ZNF148: variants seen among roughly 807,000 people sequenced by gnomAD.
ZNF148 encodes the protein Beta-Enolase Repressor Factor-1.
Under a neutral mutation model 67.7 loss-of-function variants are expected in ZNF148, and 7 were observed. The ratio of observed to expected loss-of-function variants is 0.10; its 90% CI spans 0.06 to 0.19. ZNF148 has a LOEUF of 0.19. Ranked by LOEUF, ZNF148 falls within the 10% of genes least tolerant of loss-of-function variation. The probability of loss-of-function intolerance (pLI) is 1.00; values close to 1 mark genes in which losing one functional copy is unlikely to be tolerated. For missense variants in ZNF148, 583 were observed against 947.1 expected (o/e 0.62, Z 5.05); for synonymous variants, 333 against 330.7 (o/e 1.01, Z -0.08).
At chr3:125,248,144 T>C (rs1029588350) in intron 7 of ZNF148, among the ~76,000 whole-genome samples, 1 of 152,184 alleles carries the variant, frequency 6.6e-6, no homozygotes, top group African/African-American at 2.4e-5. Context: ...ATATGACGTA[T>C]GTAAAATTAG....
rs191887536 is a variant in ZNF148, at chr3:125,369,487, C to A, written c.-234+5615G>T. 9.2e-4 allele frequency among the ~76,000 whole-genome samples: 135 copies of A among 147,468 alleles called. 1 individual carries two copies. Among genetic ancestry groups the A allele is most frequent in the African/African-American group, 3.2e-3 (129 of 39,850 alleles). On this transcript the variant is annotated intron_variant, in intron 1 of 8. Transcript: ENST00000360647. ...CACCTTTATAGACCCCTTCCCCCAA[C>A]AGCACACACTAGATACTCAATAAAT...
chr3:125,344,122 G>T, intron 1 of ZNF148: 1 of 243,260 alleles, frequency 4.1e-6, no homozygotes, highest in Non-Finnish European at 8.1e-6. Flanking sequence ...ACCCTGTATG[G>T]TTAAGGACTT....
chr3:125,366,300 C>T (rs920856274), intron 1 of ZNF148, among the ~76,000 whole-genome samples: 5 of 152,172 alleles, frequency 3.3e-5, no homozygotes, highest in Non-Finnish European at 5.9e-5. Context: ...AAGACTAAAA[C>T]CCAGCTTCTG....
At chr3:125,274,726 A>C (rs1937952834) in intron 7 of ZNF148, among the ~76,000 whole-genome samples, 2 of 152,228 alleles carry the variant, frequency 1.3e-5, no homozygotes, top group Admixed American at 6.5e-5. Context: ...AGGAGAAGAC[A>C]GTATAATGAG....
At chr3:125,255,387 T>G (rs546018610) in intron 7 of ZNF148, among the ~76,000 whole-genome samples, 1 of 151,948 alleles carries the variant, frequency 6.6e-6, no homozygotes, top group African/African-American at 2.4e-5. Flanking sequence ...GCTAGGATTA[T>G]AGGCATGCAC....
At chr3:125,336,539 A>C (rs912952445) in intron 1 of ZNF148, among the ~76,000 whole-genome samples, 3 of 152,148 alleles carry the variant, frequency 2.0e-5, no homozygotes, top group African/African-American at 7.2e-5. Context: ...AAAGTTATTA[A>C]GATTCCCTCT....
chr3:125,340,986 T>C (rs1181358899), intron 1 of ZNF148, among the ~76,000 whole-genome samples: 4 of 34,722 alleles, frequency 1.2e-4, no homozygotes, highest in Middle Eastern at 0.036. Flanking sequence ...AGACTCCGGC[T>C]CAAAAAAAAA....
chr3:125,259,427 G>A (rs1937236062), intron 7 of ZNF148, among the ~76,000 whole-genome samples: 1 of 152,132 alleles, frequency 6.6e-6, no homozygotes. Flanking sequence ...TAGTTGCTTT[G>A]GAAAATGCTA....
chr3:125,368,947 AAAAC>A lies in ZNF148; in HGVS notation c.-234+6151_-234+6154del, dbSNP rs111789209. Among the ~76,000 whole-genome samples, 1,256 of 147,978 alleles carry A rather than the reference AAAAC, an allele frequency of 8.5e-3. 16 individuals carry two copies. Among genetic ancestry groups the A allele is most frequent in the African/African-American group, 0.03 (1,193 of 39,954 alleles). On this transcript the variant is annotated intron_variant, in intron 1 of 8. Transcript: ENST00000360647. ...GTGACAGAGAGAGGCTCCATCTCAA[AAAAC>A]AAACAAACAAACAAAAGTGTGCCTC...
rs1935779340 is a variant in ZNF148 at position 125,229,799 on chromosome 3, C to T, written c.*2542G>A. 1 of 152,226 alleles carries T rather than the reference C, an allele frequency of 6.6e-6. No individual in the cohort carries two copies. Among genetic ancestry groups the T allele is most frequent in the Admixed American group, 6.5e-5 (1 of 15,270 alleles). The allele number at this position is 152,226 out of a possible 1,614,324, so 9.4% of individuals were successfully genotyped here. Reference sequence around the variant, plus strand: ...TAATGCCCAGATAGAAATTAAATAACCTTCTGAACCAAAGTGGGGAAATCC... The same window carrying T: ...TAATGCCCAGATAGAAATTAAATAATCTTCTGAACCAAAGTGGGGAAATCC... On this transcript the variant is annotated 3_prime_UTR_variant, in exon 9 of 9. Transcript: ENST00000360647.
intron 7 of ZNF148, among the ~76,000 whole-genome samples, chr3:125,275,720 C>T (rs1938022243): frequency 6.6e-6 from 1 of 152,152 alleles, no homozygotes; most frequent in Admixed American, 6.5e-5. Context: ...CCAAGATTCC[C>T]CATGGTCTAG....
At chr3:125,254,265 G>A (rs145940162) in intron 7 of ZNF148, among the ~76,000 whole-genome samples, 121 of 152,156 alleles carry the variant, frequency 8.0e-4, no homozygotes, top group African/African-American at 2.8e-3. Flanking sequence ...ATTTGATAGT[G>A]GGCTGAGGTT....
At chr3:125,258,823 T>G (rs1213817539) in intron 7 of ZNF148, among the ~76,000 whole-genome samples, 3 of 152,152 alleles carry the variant, frequency 2.0e-5, no homozygotes, top group Admixed American at 2.0e-4. Context: ...ATTTAAAAAT[T>G]CATAATGTTC....
intron 1 of ZNF148, among the ~76,000 whole-genome samples, chr3:125,369,316 G>C (rs1942801844): frequency 8.0e-6 from 1 of 125,778 alleles, no homozygotes; most frequent in Admixed American, 8.7e-5. Flanking sequence ...AACATTCTAG[G>C]GTCATTTTAA....
At chr3:125,277,892 T>C (rs994634850) in intron 6 of ZNF148, 83 bp from the exon 7 acceptor site, 7 of 1,147,818 alleles carry the variant, frequency 6.1e-6, no homozygotes, top group Non-Finnish European at 8.3e-6. Context: ...AGAAAAATCT[T>C]AGATGCCCAA....
intron 1 of ZNF148, among the ~76,000 whole-genome samples, chr3:125,345,599 C>CA (rs143991806): frequency 6.6e-6 from 1 of 151,086 alleles, no homozygotes; most frequent in Non-Finnish European, 1.5e-5. Flanking sequence ...ACAACAACAA[C>CA]AAAAAAAGAC....
At chr3:125,374,032 G>C (rs993862720) in intron 1 of ZNF148, among the ~76,000 whole-genome samples, 2 of 152,034 alleles carry the variant, frequency 1.3e-5, no homozygotes, top group African/African-American at 2.4e-5. Flanking sequence ...CCCAACCTCG[G>C]GTAAGTGTTA....
rs541622510 is a variant in ZNF148, at chr3:125,287,976, A to G, written c.459+127T>C. 1.1e-4 allele frequency: 152 copies of G among 1,325,982 alleles called. No homozygotes were observed. The African/African-American group carries it at 2.1e-3, about 18-fold the overall frequency. 82.1% of individuals were successfully genotyped at this position (1,325,982 alleles called of 1,614,324 possible). ...GCCCACCACCTCCATGCAGGCACGC[A>G]CCCCCTCCTACTAAACCACACAAGA... is the stretch of plus-strand genomic sequence containing the variant. On this transcript the variant is annotated intron_variant, in intron 5 of 8. Transcript: ENST00000360647.
intron 1 of ZNF148, among the ~76,000 whole-genome samples, chr3:125,341,316 T>TAAA (rs35673839): frequency 7.4e-6 from 1 of 134,710 alleles, no homozygotes; most frequent in African/African-American, 2.7e-5. Context: ...CAGAAAAATT[T>TAAA]AAAAAAAAAA....
Sources: gnomAD v4.1 joint callset for allele counts (sites outside exome capture counted in the v4.1 genomes callset) on GRCh38, gnomAD v4.1.1 for gene constraint, MANE v1.5 for transcripts, NCBI Gene and HGNC (gene_info 2026-07-23, HGNC 2026-07-21) for gene names.